CSMD1: variants seen among roughly 807,000 people sequenced by gnomAD.
The protein encoded by CSMD1 is CUB and sushi domain-containing protein 1.
A neutral mutation model predicts 417.5 loss-of-function variants in CSMD1; 213 were observed. That is an observed-to-expected ratio of 0.51 (90% CI 0.46 to 0.57). The LOEUF (loss-of-function observed/expected upper bound fraction) is 0.57. Among genes scored for constraint, CSMD1 ranks in the 20% least tolerant of loss-of-function variants. CSMD1 has a pLI of 0.00. For synonymous variants in CSMD1, 2,862 were observed against 1,736.8 expected (o/e 1.65, Z -16.11); for missense variants, 6,923 against 4,529.7 (o/e 1.53, Z -15.17).
At chr8:3,349,539 G>T (rs183603044) in intron 21 of CSMD1, among the ~76,000 whole-genome samples, 1 of 151,946 alleles carries the variant, frequency 6.6e-6, no homozygotes, top group African/African-American at 2.4e-5. Flanking sequence ...GTGGCTCTCG[G>T]GGTGCAAGTG....
At chr8:3,808,807 C>A (rs1004265232) in intron 5 of CSMD1, among the ~76,000 whole-genome samples, 1 of 152,146 alleles carries the variant, frequency 6.6e-6, no homozygotes, top group Non-Finnish European at 1.5e-5. Context: ...TTTCAAGGGG[C>A]ATTTGGCAGT....
At chr8:4,277,639 C>T (rs904991717) in intron 3 of CSMD1, among the ~76,000 whole-genome samples, 4 of 152,142 alleles carry the variant, frequency 2.6e-5, no homozygotes, top group Non-Finnish European at 5.9e-5. Context: ...CAAGGATATG[C>T]AGAAACAACC....
At position 4,452,761 on chromosome 8, in the gene CSMD1, C is replaced by T. The variant is rs971810900; in HGVS notation, c.303-32696G>A. Among the ~76,000 whole-genome samples the T allele has an allele frequency of 3.3e-5, 5 of 152,086 alleles. No homozygotes were observed. In the East Asian group the frequency reaches 9.7e-4, roughly 29 times the overall value. ...GGTTATTCATCTTTCAACATATCAT[C>T]CAATAACACAAATCCAATAAAGTTT... is the stretch of plus-strand genomic sequence containing the variant. On this transcript the variant is annotated intron_variant, in intron 2 of 69. Coordinates refer to ENST00000635120, the MANE Select transcript of CSMD1 (RefSeq NM_033225.6).
intron 10 of CSMD1, among the ~76,000 whole-genome samples, chr8:3,535,239 C>T (rs185721360): frequency 5.9e-4 from 89 of 152,066 alleles, no homozygotes; most frequent in African/African-American, 1.9e-3. Flanking sequence ...AGGCATGAGC[C>T]ACCGCACCCA....
chr8:3,299,617 G>A (rs1256065331), intron 25 of CSMD1, among the ~76,000 whole-genome samples: 2 of 152,058 alleles, frequency 1.3e-5, no homozygotes, highest in East Asian at 1.9e-4. Flanking sequence ...GCCTCACAAA[G>A]TGTGGGAAGG....
intron 2 of CSMD1, among the ~76,000 whole-genome samples, chr8:4,436,038 C>G (rs1798131326): frequency 6.6e-6 from 1 of 152,082 alleles, no homozygotes; most frequent in Non-Finnish European, 1.5e-5. Context: ...AATATAAGAC[C>G]CAATCAAGAT....
chr8:4,140,124 G>T (rs73178308), intron 3 of CSMD1, among the ~76,000 whole-genome samples: 2 of 150,520 alleles, frequency 1.3e-5, no homozygotes, highest in African/African-American at 2.5e-5. Flanking sequence ...AGGTGAAGGC[G>T]GGAGGATTCC....
At chr8:4,066,373 T>A (rs2554696) in intron 3 of CSMD1, among the ~76,000 whole-genome samples, 5,037 of 152,288 alleles carry the variant, frequency 0.033, 267 homozygotes, top group East Asian at 0.29. Flanking sequence ...TAAGTCCCAC[T>A]CAGCGCAGGG....
intron 1 of CSMD1, among the ~76,000 whole-genome samples, chr8:4,701,686 T>C (rs1345168888): frequency 1.3e-5 from 2 of 149,164 alleles, no homozygotes; most frequent in East Asian, 2.0e-4. Flanking sequence ...CCTTTCTCCT[T>C]AAAAAAAAAA....
At chr8:4,784,514 G>T (rs981983809) in intron 1 of CSMD1, among the ~76,000 whole-genome samples, 3 of 152,188 alleles carry the variant, frequency 2.0e-5, no homozygotes, top group African/African-American at 7.2e-5. Flanking sequence ...TTCACTGGAT[G>T]AGAGGAGACA....
At chr8:3,978,384 C>T (rs929085314) in intron 5 of CSMD1, among the ~76,000 whole-genome samples, 6 of 152,158 alleles carry the variant, frequency 3.9e-5, no homozygotes, top group African/African-American at 1.4e-4. Flanking sequence ...ATCAAATATT[C>T]ATAATTCATA....
At chr8:3,692,322 T>A (rs139391459) in intron 7 of CSMD1, among the ~76,000 whole-genome samples, 62 of 152,220 alleles carry the variant, frequency 4.1e-4, no homozygotes, top group African/African-American at 1.4e-3. Context: ...TATGACCACA[T>A]ACCCAAAAGA....
chr8:3,783,980 C>T (rs765268053), intron 5 of CSMD1, among the ~76,000 whole-genome samples: 11 of 152,234 alleles, frequency 7.2e-5, no homozygotes, highest in Non-Finnish European at 1.5e-4. Flanking sequence ...ATTACTTCCT[C>T]TTCTGGTGCC....
chr8:4,478,686 T>C (rs900891624), intron 2 of CSMD1, among the ~76,000 whole-genome samples: 1 of 152,230 alleles, frequency 6.6e-6, no homozygotes, highest in African/African-American at 2.4e-5. Flanking sequence ...CCATGGTGCA[T>C]GTTAACTGGT....
intron 12 of CSMD1, among the ~76,000 whole-genome samples, chr8:3,429,648 C>G (rs1265914556): frequency 2.0e-5 from 3 of 152,182 alleles, no homozygotes; most frequent in Non-Finnish European, 4.4e-5. Context: ...TATCAAAACT[C>G]ATCGAATTGC....
intron 5 of CSMD1, among the ~76,000 whole-genome samples, chr8:3,796,069 T>TG (rs1215011756): frequency 9.1e-5 from 4 of 43,918 alleles, no homozygotes; most frequent in East Asian, 1.1e-3. Flanking sequence ...TATATATCTA[T>TG]CATAGATATA....
At chr8:3,296,540 C>A (rs11782821) in intron 25 of CSMD1, among the ~76,000 whole-genome samples, 12,426 of 152,106 alleles carry the variant, frequency 0.082, 665 homozygotes, top group Middle Eastern at 0.13. Context: ...AAGAACTGGC[C>A]GTGCTTGCTT....
At chr8:4,900,910 C>T (rs984111751) in intron 1 of CSMD1, among the ~76,000 whole-genome samples, 2 of 152,222 alleles carry the variant, frequency 1.3e-5, no homozygotes, top group Non-Finnish European at 2.9e-5. Flanking sequence ...CCACTAGTTA[C>T]TTCTCTCCCT....
intron 6 of CSMD1, among the ~76,000 whole-genome samples, chr8:3,742,040 C>G (rs1298426822): frequency 6.6e-6 from 1 of 151,004 alleles, no homozygotes; most frequent in Non-Finnish European, 1.5e-5. Context: ...CCTTTTCTTC[C>G]CAGCTTCACA....
Sources: gnomAD v4.1 joint callset for allele counts (sites outside exome capture counted in the v4.1 genomes callset) on GRCh38, gnomAD v4.1.1 for gene constraint, MANE v1.5 for transcripts, NCBI Gene and HGNC (gene_info 2026-07-23, HGNC 2026-07-21) for gene names.